ZRANB1: variants seen among roughly 807,000 people sequenced by gnomAD.
ZRANB1 encodes the protein zinc finger RANBP2-type containing 1.
ZRANB1 carries 16 observed loss-of-function variants against 80.5 expected under a neutral mutation model. The ratio of observed to expected loss-of-function variants is 0.20; its 90% CI spans 0.13 to 0.30. The LOEUF is 0.30. Ranked by LOEUF, ZRANB1 falls within the 10% of genes least tolerant of loss-of-function variation. The probability of loss-of-function intolerance (pLI) is 1.00; values close to 1 mark genes in which losing one functional copy is unlikely to be tolerated. For missense variants in ZRANB1, 576 were observed against 862.6 expected (o/e 0.67, Z 4.16); for synonymous variants, 291 against 293.1 (o/e 0.99, Z 0.07).
the ZRANB1 span, among the ~76,000 whole-genome samples, chr10:124,932,526 A>G: frequency 2.5e-4 from 35 of 142,558 alleles, no homozygotes; most frequent in Middle Eastern, 4.8e-3. Flanking sequence ...CCTGACCTCA[A>G]GTAATCCACC....
At chr10:124,952,683 T>C (rs1951650288) in intron 1 of ZRANB1, among the ~76,000 whole-genome samples, 1 of 152,166 alleles carries the variant, frequency 6.6e-6, no homozygotes, top group African/African-American at 2.4e-5. Context: ...TGGTCTTGGC[T>C]CACTGCATCC....
chr10:124,983,808 A>ACCTTCAGCAATTACTACC lies in ZRANB1; in HGVS notation c.1908+120_1908+121insCCTTCAGCAATTACTACC. On this transcript the variant is annotated intron_variant, in intron 8 of 8. Transcript: ENST00000359653. The surrounding 1 kb of genome is among the most constrained non-coding windows in gnomAD (Gnocchi z 6.2). ...CTTAATTTCTGAATGTGATGGTAGT[A>ACCTTCAGCAATTACTACC]ATTGCTGAAGGTACTAGCTATACTT... The ACCTTCAGCAATTACTACC allele has an allele frequency of 1.4e-6, 1 of 730,652 alleles. No individual in the cohort carries two copies. Among genetic ancestry groups the ACCTTCAGCAATTACTACC allele is most frequent in the Non-Finnish European group, 2.2e-6 (1 of 449,650 alleles). 45.3% of individuals were successfully genotyped at this position (730,652 alleles called of 1,614,324 possible). A position where few individuals can be genotyped will look rare whatever the true frequency, so the allele number is the denominator to read the frequency against.
Position 124,986,317 on chromosome 10 carries a change from A to T in ZRANB1, c.*1325A>T, listed in dbSNP as rs1268398493. 1 of 152,222 alleles carries T rather than the reference A, an allele frequency of 6.6e-6. No individual in the cohort carries two copies. The highest frequency in any genetic ancestry group is 2.4e-5 in the African/African-American group (1 of 41,104). The allele number at this position is 152,222 out of a possible 1,614,324, so 9.4% of individuals were successfully genotyped here. On this transcript the variant is annotated 3_prime_UTR_variant, in exon 9 of 9. Coordinates refer to ENST00000359653, the MANE Select transcript of ZRANB1 (RefSeq NM_017580.3). ...CACACACACACACACACACACACAC[A>T]CACACAGTTTTTTCCTTCCCTGTGA...
intron 2 of ZRANB1, among the ~76,000 whole-genome samples, chr10:124,971,747 G>A (rs1029889019): frequency 6.6e-6 from 1 of 152,154 alleles, no homozygotes; most frequent in Non-Finnish European, 1.5e-5. Flanking sequence ...AATTCTTAAA[G>A]AGAATTACTG....
intron 5 of ZRANB1, among the ~76,000 whole-genome samples, chr10:124,976,565 C>CTTTTTTTTTTTTTTTTTTTTTT (rs138858881): frequency 1.3e-5 from 1 of 75,710 alleles, no homozygotes; most frequent in Non-Finnish European, 2.5e-5. Context: ...TGGTAATTTC[C>CTTTTTTTTTTTTTTTTTTTTTT]TTTTTTTTTT....
At chr10:124,941,014 A>AC (rs371957731), upstream of ZRANB1, among the ~76,000 whole-genome samples, 26 of 151,996 alleles carry the variant, frequency 1.7e-4, no homozygotes, top group African/African-American at 6.3e-4. Context: ...AACAACAACA[A>AC]AAAAACAAAC....
the ZRANB1 span, among the ~76,000 whole-genome samples, chr10:124,936,782 T>A: frequency 6.6e-6 from 1 of 152,196 alleles, no homozygotes; most frequent in African/African-American, 2.4e-5. Context: ...AGCCTGAAAA[T>A]TTAGCATGCT....
chr10:124,922,283 TATATATATATATGTAAA>T, the ZRANB1 span, among the ~76,000 whole-genome samples: 2 of 36,690 alleles, frequency 5.5e-5, no homozygotes, highest in Non-Finnish European at 1.3e-4. Flanking sequence ...ATATGTAAAA[TATATATATATATGTAAA>T]ATATATATAT....
rs11814890 is a variant in ZRANB1 at position 124,983,914 on chromosome 10, A to G, written c.1908+226A>G. Among the ~76,000 whole-genome samples the G allele has an allele frequency of 6.6e-6, 1 of 152,210 alleles. No individual in the cohort carries two copies. Among genetic ancestry groups the G allele is most frequent in the Non-Finnish European group, 1.5e-5 (1 of 68,046 alleles). The stretch of plus-strand genomic sequence containing the variant: ...GTGATGGGTTTTAAGAAGAAAAAGT[A>G]AAGATGAGGTTTGTGATTTAAATAT... On this transcript the variant is annotated intron_variant, in intron 8 of 8. Coordinates refer to ENST00000359653, the MANE Select transcript of ZRANB1 (RefSeq NM_017580.3). The surrounding 1 kb of genome is among the most constrained non-coding windows in gnomAD (Gnocchi z 6.2).
Position 124,984,983 on chromosome 10 carries a change from A to T in ZRANB1, c.2118A>T (p.Glu706Asp), listed in dbSNP as rs1952000982. 1.9e-6 allele frequency: 3 copies of T among 1,608,186 alleles called. No homozygotes were observed. Among genetic ancestry groups the T allele is most frequent in the South Asian group, 1.1e-5 (1 of 90,690 alleles). Residue 706 changes from glutamate (E) to aspartate (D), a missense_variant, in exon 9 of 9, where the codon GAA (glutamate) becomes GAT (aspartate). By Grantham distance (45) the Glu-to-Asp change is conservative. Around this residue, in one of 3 missense-constraint regions of ZRANB1, gnomAD observed 152 missense variants for 221.9 expected, o/e 0.69. Transcript: ENST00000359653. The part of the protein sequence containing the change: ...LSDGEEDEDD[E>D]DE ...ATGGAGAGGAAGATGAGGATGATGA[A>T]GATGAATGAAAAAAAAAATCAAACA... is the stretch of plus-strand genomic sequence containing the variant.
chr10:124,953,319 G>A (rs937856095), intron 1 of ZRANB1, among the ~76,000 whole-genome samples: 3 of 152,162 alleles, frequency 2.0e-5, no homozygotes, highest in African/African-American at 7.2e-5. Flanking sequence ...AATAATGAAA[G>A]AAGTTGAGGT....
rs550217865 is a variant in ZRANB1, at chr10:124,983,685, G to A, written c.1905G>A (p.Gln635=). The A allele has an allele frequency of 8.9e-6, 14 of 1,578,034 alleles. No individual in the cohort carries two copies. Among genetic ancestry groups the A allele is most frequent in the Non-Finnish European group, 1.1e-5 (13 of 1,159,976 alleles). The change falls in exon 8 of 9, where the codon CAG becomes CAA. Residue 635 remains glutamine (Q), a synonymous_variant. Transcript: ENST00000359653. The surrounding 1 kb of genome is among the most constrained non-coding windows in gnomAD (Gnocchi z 6.2). ...KLLHVHFLSA[Q]ELGNEEQQEK... ...TCCATGTGCACTTCCTTTCTGCTCA[G>A]GAGGTAAGCAGTTTCTCCTATGAAC...
chr10:124,917,654 G>A, the ZRANB1 span, among the ~76,000 whole-genome samples: 1 of 152,182 alleles, frequency 6.6e-6, no homozygotes, highest in Non-Finnish European at 1.5e-5. Flanking sequence ...TAAACACTTG[G>A]GTCCATCGCC....
the ZRANB1 span, among the ~76,000 whole-genome samples, chr10:124,924,870 A>G: frequency 6.6e-6 from 1 of 150,662 alleles, no homozygotes; most frequent in African/African-American, 2.4e-5. Flanking sequence ...CCTTTGAGGA[A>G]CTTTCTGCCT....
chr10:124,964,832 A>G (rs1455182930), intron 1 of ZRANB1, among the ~76,000 whole-genome samples: 1 of 152,244 alleles, frequency 6.6e-6, no homozygotes, highest in Admixed American at 6.5e-5. Context: ...GCCTTCATAC[A>G]GAAATGCTAT....
At chr10:124,923,538 G>T in the ZRANB1 span, among the ~76,000 whole-genome samples, 2 of 151,988 alleles carry the variant, frequency 1.3e-5, no homozygotes, top group Non-Finnish European at 2.9e-5. Context: ...GTTGCAGTGA[G>T]CCGAGATTGT....
chr10:124,921,080 C>T, the ZRANB1 span, among the ~76,000 whole-genome samples: 1 of 151,980 alleles, frequency 6.6e-6, no homozygotes, highest in Non-Finnish European at 1.5e-5. Context: ...ACTTCTTTGC[C>T]CTGTAGAGGA....
rs757032316 is a variant in ZRANB1, at chr10:124,942,936, C to G, written c.443C>G (p.Thr148Ser). ...EEYNDRNKLNTRTQHWTCSVC... is the reference protein window; with the variant it reads ...EEYNDRNKLNSRTQHWTCSVC... ...TACAATGATAGAAATAAACTGAACA[C>G]TAGGACACAGCACTGGACTTGCTCT... Residue 148 changes from threonine to serine, a missense_variant, in exon 1 of 9, where the codon ACT becomes AGT. Transcript: ENST00000359653. 1.2e-6 allele frequency: 2 copies of G among 1,614,186 alleles called. No homozygotes were observed. Among genetic ancestry groups the G allele is most frequent in the Non-Finnish European group, 1.7e-6 (2 of 1,180,042 alleles).
At position 124,942,535 on chromosome 10, in the gene ZRANB1, G is replaced by T. The variant is rs187980190; in HGVS notation, c.42G>T (p.Thr14=). Residue 14 remains threonine, a synonymous_variant, in exon 1 of 9, where the codon ACG becomes ACT. Transcript: ENST00000359653. ...TTAAGTGGGCTTGTGAATATTGTAC[G>T]TATGAAAACTGGCCATCTGCAATCA... ...RGIKWACEYC[T]YENWPSAIKC... is the part of the protein sequence containing the mutation. 5 of 1,614,018 alleles carry T rather than the reference G, an allele frequency of 3.1e-6. No homozygotes were observed. The African/African-American group carries it at 4.0e-5, about 13-fold the overall frequency.
Sources: allele counts gnomAD v4.1 joint callset (sites outside exome capture counted in the v4.1 genomes callset), GRCh38; gene constraint gnomAD v4.1.1; regional missense constraint gnomAD v4.1.1; non-coding constraint Gnocchi (gnomAD v3.1); transcripts MANE v1.5; gene names NCBI Gene and HGNC (gene_info 2026-07-23, HGNC 2026-07-21).